Variants in TMEM63A observed in about 807,000 individuals in gnomAD.
The protein encoded by TMEM63A is mechanosensitive cation channel TMEM63A.
Under a neutral mutation model 100.6 loss-of-function variants are expected in TMEM63A, and 76 were observed. That is an observed-to-expected ratio of 0.76 (90% CI 0.63 to 0.91). The LOEUF is 0.91. Ranked by LOEUF, TMEM63A falls within the 40% of genes least tolerant of loss-of-function variation. The pLI is 0.00. For synonymous variants in TMEM63A, 401 were observed against 401.1 expected (o/e 1.00, Z 0.00); for missense variants, 876 against 1,008.8 (o/e 0.87, Z 1.78).
In TMEM63A at chr1:225,865,854, T is replaced by C; in HGVS notation, c.746+43A>G. On this transcript the variant is annotated intron_variant, in intron 10 of 24. Transcript: ENST00000366835. The surrounding 1 kb of genome is among the most constrained non-coding windows in gnomAD (Gnocchi z 4.6). ...CCTGCGGGTGGGGCTGTGTTGGTCC[T>C]ACGTGGAGGGGGCTCAGCTCCCCTC... 2 of 1,607,060 alleles carry C rather than the reference T, an allele frequency of 1.2e-6. No homozygotes were observed. The highest frequency in any genetic ancestry group is 1.3e-5 in the African/African-American group (1 of 74,814).
At chr1:225,859,095 T>A in intron 15 of TMEM63A, 101 bp downstream of exon 15, 1 of 1,526,190 alleles carries the variant, frequency 6.6e-7, no homozygotes, top group Non-Finnish European at 8.9e-7. Flanking sequence ...ACTGGTTTAG[T>A]TCCCCGCACA....
At chr1:225,876,582 T>A (rs1361026124) in intron 3 of TMEM63A, among the ~76,000 whole-genome samples, 1 of 152,096 alleles carries the variant, frequency 6.6e-6, no homozygotes, top group Admixed American at 6.6e-5. Flanking sequence ...AACAAGGAGA[T>A]CTACGTTAAA....
intron 15 of TMEM63A, among the ~76,000 whole-genome samples, chr1:225,858,614 C>T (rs185344417): frequency 1.1e-4 from 17 of 152,208 alleles, no homozygotes; most frequent in African/African-American, 1.4e-4. Context: ...CGTGAGCTAC[C>T]GTGCCCGGCC....
In TMEM63A at chr1:225,849,138, AAAGGT is replaced by A. The variant is rs1397042213; in HGVS notation, c.2072-131_2072-127del. On this transcript the variant is annotated intron_variant, in intron 21 of 24. Transcript: ENST00000366835. ...GTGACTTCTCCCTCAGGCAGAAAAT[AAAGGT>A]AAGGCCTAACCCCCCACCCCCACCC... The A allele has an allele frequency of 5.5e-5, 40 of 726,188 alleles. No individual in the cohort carries two copies. The South Asian group carries it at 6.8e-4, about 12-fold the overall frequency. The allele number at this position is 726,188 out of a possible 1,614,324, so 45.0% of individuals were successfully genotyped here. A position where few individuals can be genotyped will look rare whatever the true frequency, so the allele number is the denominator to read the frequency against.
At chr1:225,855,672 C>G (rs1377344635) in intron 18 of TMEM63A, among the ~76,000 whole-genome samples, 1 of 152,186 alleles carries the variant, frequency 6.6e-6, no homozygotes, top group Non-Finnish European at 1.5e-5. Flanking sequence ...TTTCTGCAAG[C>G]ATAGCACAAA....
rs1328683034 is a variant in TMEM63A at position 225,872,084 on chromosome 1, A to C, written c.267-31T>G. ...GACACAAAAAGAAAAAAAATGACAG[A>C]TAATTCTTAGAAAAAAAAAAAAGCC... On this transcript the variant is annotated intron_variant, in intron 4 of 24. Transcript: ENST00000366835. 6.0e-6 allele frequency: 9 copies of C among 1,498,932 alleles called. No individual in the cohort carries two copies. The East Asian group carries it at 1.8e-4, about 30-fold the overall frequency. The allele number at this position is 1,498,932 out of a possible 1,614,324, so 92.9% of individuals were successfully genotyped here. A position where few individuals can be genotyped will look rare whatever the true frequency, so the allele number is the denominator to read the frequency against.
chr1:225,844,669 A>G (rs2102791577), downstream of TMEM63A: 3 of 1,610,970 alleles, frequency 1.9e-6, no homozygotes, highest in East Asian at 2.2e-5. Context: ...GGCTGGAGGC[A>G]GGGGGACGGC....
At chr1:225,850,712 ATGTC>A (rs1000846024) in intron 20 of TMEM63A, among the ~76,000 whole-genome samples, 34 of 152,142 alleles carry the variant, frequency 2.2e-4, no homozygotes, top group African/African-American at 8.2e-4. Flanking sequence ...CTGTCAGTGT[ATGTC>A]TGTCTGTCTG....
chr1:225,880,911 T>C (rs1208706182), intron 1 of TMEM63A, among the ~76,000 whole-genome samples: 1 of 152,230 alleles, frequency 6.6e-6, no homozygotes, highest in Non-Finnish European at 1.5e-5. Context: ...TATATGGATA[T>C]TGTTCGTTCT....
chr1:225,847,876 C>T (rs918209092), intron 23 of TMEM63A, among the ~76,000 whole-genome samples: 4 of 152,192 alleles, frequency 2.6e-5, no homozygotes, highest in Non-Finnish European at 5.9e-5. Context: ...CAGATGAGGT[C>T]GGCTCTGTCC....
In TMEM63A at chr1:225,865,241, C is replaced by G. The variant is rs1035880561; in HGVS notation, c.746+656G>C. 6.6e-6 allele frequency: 1 copy of G among 152,450 alleles called. No homozygotes were observed. The highest frequency in any genetic ancestry group is 2.4e-5 in the African/African-American group (1 of 41,438). 9.4% of individuals were successfully genotyped at this position (152,450 alleles called of 1,614,324 possible). A position where few individuals can be genotyped will look rare whatever the true frequency, so the allele number is the denominator to read the frequency against. On this transcript the variant is annotated intron_variant, in intron 10 of 24. Coordinates refer to ENST00000366835, the MANE Select transcript of TMEM63A (RefSeq NM_014698.3). This position sits in a 1 kb window ranked among gnomAD's most constrained non-coding sequence, Gnocchi z 4.6. ...CTTCCCGGACTGCTTGCCCTGCCCC[C>G]CTGCACCCCACCGCCACCTTTCCTG...
rs551246274 is a variant in TMEM63A, at chr1:225,862,230, G to A, written c.1073C>T (p.Ser358Phe). Residue 358 changes from serine (S) to phenylalanine (F), a missense_variant, in exon 13 of 25, where the codon TCC becomes TTC. Coordinates refer to ENST00000366835, the MANE Select transcript of TMEM63A (RefSeq NM_014698.3). This position sits in a 1 kb window ranked among gnomAD's most constrained non-coding sequence, Gnocchi z 5.1. ...TGCCTACACTCACTAGGTGGCCATG[G>A]ACTTCTCCTGGAAGGTGACGAAGGC... Reference protein sequence around the residue: ...GMAFVTFQEKSMATYILKDFN... With the variant: ...GMAFVTFQEKFMATYILKDFN... 6.2e-7 allele frequency: 1 copy of A among 1,614,032 alleles called. No individual in the cohort carries two copies. Among genetic ancestry groups the A allele is most frequent in the Admixed American group, 1.7e-5 (1 of 60,030 alleles).
Position 225,868,002 on chromosome 1 carries a change from C to T in TMEM63A, c.400G>A (p.Glu134Lys). ...AAGGACAGGTAGTGGATGGCGTCCT[C>T]CCCACACCATTCCAGGATCTGGTCA... ...HDDQILEWCG[E>K]DAIHYLSFQR... The change falls in exon 7 of 25, where the codon GAG becomes AAG. Residue 134 changes from glutamate (E) to lysine (K), a missense_variant. This residue lies in a region of TMEM63A where 487 missense variants were observed against 581.9 expected (regional missense o/e 0.84). Transcript: ENST00000366835. The T allele has an allele frequency of 6.2e-7, 1 of 1,614,154 alleles. No individual in the cohort carries two copies. Among genetic ancestry groups the T allele is most frequent in the Non-Finnish European group, 8.5e-7 (1 of 1,180,038 alleles).
chr1:225,872,168 G>C (rs1670541045), intron 4 of TMEM63A, 115 bp from the exon 5 acceptor site: 2 of 711,724 alleles, frequency 2.8e-6, no homozygotes. Context: ...CAGAACCAAA[G>C]CTACCAGCCC....
intron 6 of TMEM63A, among the ~76,000 whole-genome samples, chr1:225,870,623 C>T (rs1024813682): frequency 1.4e-4 from 22 of 152,186 alleles, no homozygotes; most frequent in Non-Finnish European, 1.8e-4. Flanking sequence ...GACATGCAAA[C>T]CTGCCTATGA....
At chr1:225,850,138 C>A in intron 20 of TMEM63A, 59 bp from the exon 21 acceptor site, 1 of 1,580,736 alleles carries the variant, frequency 6.3e-7, no homozygotes, top group African/African-American at 1.3e-5. Flanking sequence ...CACCTCTGTC[C>A]TCTTCCTCTC....
intron 3 of TMEM63A, among the ~76,000 whole-genome samples, chr1:225,874,791 A>C (rs1408676222): frequency 6.6e-6 from 1 of 152,122 alleles, no homozygotes; most frequent in African/African-American, 2.4e-5. Context: ...CTTTACAGAA[A>C]ATTTTTTTCT....
At chr1:225,842,588 G>C, downstream of TMEM63A, 1 of 831,382 alleles carries the variant, frequency 1.2e-6, no homozygotes. Flanking sequence ...AAATTCTATT[G>C]TTGGCTTTCT....
intron 20 of TMEM63A, among the ~76,000 whole-genome samples, chr1:225,851,451 C>G (rs781424409): frequency 6.6e-6 from 1 of 152,076 alleles, no homozygotes; most frequent in Non-Finnish European, 1.5e-5. Flanking sequence ...CTCACTGCAA[C>G]CTCTGCCTCC....
Sources: allele counts gnomAD v4.1 joint callset (sites outside exome capture counted in the v4.1 genomes callset), GRCh38; gene constraint gnomAD v4.1.1; regional missense constraint gnomAD v4.1.1; non-coding constraint Gnocchi (gnomAD v3.1); transcripts MANE v1.5; gene names NCBI Gene and HGNC (gene_info 2026-07-23, HGNC 2026-07-21).